The following HDAC8 variants were observed in gnomAD, a reference collection of about 807,000 sequenced individuals.
The protein encoded by HDAC8 is histone deacetylase-like 1.
A neutral mutation model predicts 32.2 loss-of-function variants in HDAC8; 1 was observed. That is an observed-to-expected ratio of 0.03 (90% CI 0.01 to 0.15). HDAC8 has a LOEUF of 0.15. Among genes scored for constraint, HDAC8 ranks in the 10% least tolerant of loss-of-function variants. The pLI is 1.00. For synonymous variants in HDAC8, 108 were observed against 113.9 expected, an observed-to-expected ratio of 0.95 and a Z score of 0.33; for missense variants, 117 against 300.0, an observed-to-expected ratio of 0.39 and a Z score of 4.51.
At chrX:72,365,511 T>C (rs1569244262) in intron 9 of HDAC8, among the ~76,000 whole-genome samples, 1 of 111,619 alleles carries the variant, frequency 9.0e-6, no homozygotes, top group East Asian at 2.8e-4. Flanking sequence ...GAGTAATGAA[T>C]AAGGCTTCAT....
chrX:72,569,046 G>A (rs2051910246), intron 2 of HDAC8, among the ~76,000 whole-genome samples, 162 bp from the exon 3 acceptor site: 1 of 112,042 alleles, frequency 8.9e-6, no homozygotes, highest in Non-Finnish European at 1.9e-5. Flanking sequence ...TGCACTGTGC[G>A]GTCTTCACTG....
intron 4 of HDAC8, among the ~76,000 whole-genome samples, chrX:72,504,456 T>C (rs1556017841): frequency 8.9e-6 from 1 of 111,888 alleles, no homozygotes; most frequent in Non-Finnish European, 1.9e-5. Flanking sequence ...CTTCTTTCAC[T>C]TAATATAATG....
rs1377858448 is a variant in HDAC8, at chrX:72,351,776, G to T, written c.1068C>A (p.Arg356=). The T allele has an allele frequency of 4.1e-6, 5 of 1,211,125 alleles. No individual in the cohort carries two copies. The highest frequency in any genetic ancestry group is 5.6e-6 in the Non-Finnish European group (5 of 894,771). The part of the protein sequence containing the change: ...LEITPSCRPD[R]NEPHRIQQIL... ...TTTGTTGGATTCGGTGGGGCTCATT[G>T]CGGTCTGGCCGGCAGCTTGGCGTGA... The change falls in exon 10 of 11, where the codon CGC becomes CGA. Residue 356 remains arginine (R), a synonymous_variant. Transcript: ENST00000373573.
intron 9 of HDAC8, among the ~76,000 whole-genome samples, chrX:72,424,692 C>T (rs2046586032): frequency 8.9e-6 from 1 of 111,742 alleles, no homozygotes; most frequent in South Asian, 3.7e-4. Flanking sequence ...AGAAATTCTA[C>T]ACCCATTAAT....
At chrX:72,352,996 T>A (rs2044225895) in intron 9 of HDAC8, among the ~76,000 whole-genome samples, 2 of 112,283 alleles carry the variant, frequency 1.8e-5, no homozygotes, top group Non-Finnish European at 3.8e-5. Context: ...GTGATATTGT[T>A]AGGTGGTAAG....
intron 9 of HDAC8, among the ~76,000 whole-genome samples, chrX:72,452,536 A>C (rs1257306254): frequency 9.0e-6 from 1 of 111,710 alleles, no homozygotes; most frequent in Non-Finnish European, 1.9e-5. Context: ...AATTGAAGAG[A>C]TCTCACTGAA....
rs999978053 is a variant in HDAC8, at chrX:72,571,230, G to T, written c.164+827C>A. On this transcript the variant is annotated intron_variant, in intron 2 of 10. Coordinates refer to ENST00000373573, the MANE Select transcript of HDAC8 (RefSeq NM_018486.3). ...TGAGCCACCACGCCCGGCCTTCTTT[G>T]GTCTTGATCTGTCTCCAGCCTCACC... Among the ~76,000 whole-genome samples the T allele has an allele frequency of 1.7e-3, 187 of 111,690 alleles. 4 individuals carry two copies. The highest frequency in any genetic ancestry group is 4.6e-3 in the Middle Eastern group (1 of 216).
intron 9 of HDAC8, among the ~76,000 whole-genome samples, chrX:72,372,964 G>A (rs782174959): frequency 8.9e-6 from 1 of 111,759 alleles, no homozygotes; most frequent in Non-Finnish European, 1.9e-5. Context: ...GAGCCTGCCA[G>A]TTCTAGGCCC....
chrX:72,520,149 T>C (rs781840930), intron 4 of HDAC8, among the ~76,000 whole-genome samples: 2 of 112,206 alleles, frequency 1.8e-5, no homozygotes, highest in South Asian at 3.7e-4. Flanking sequence ...ATGCTTTTGT[T>C]GTTATATGTA....
chrX:72,351,507 C>T lies in HDAC8; in HGVS notation c.1111+226G>A, dbSNP rs1464622587. 6.2e-5 allele frequency among the ~76,000 whole-genome samples: 7 copies of T among 112,425 alleles called. No individual in the cohort carries two copies. The East Asian group carries it at 1.1e-3, about 18-fold the overall frequency. ...CCCCTGGCAGTGCCAAAAGCTGAAC[C>T]CTTTGTCCTTCTGAGGTGACATTAG... On this transcript the variant is annotated intron_variant, in intron 10 of 10. Coordinates refer to ENST00000373573, the MANE Select transcript of HDAC8 (RefSeq NM_018486.3).
chrX:72,538,087 A>G (rs1259869918), intron 4 of HDAC8, among the ~76,000 whole-genome samples: 1 of 111,860 alleles, frequency 8.9e-6, no homozygotes, highest in Non-Finnish European at 1.9e-5. Flanking sequence ...GTTATATTAA[A>G]GACAAGTTGG....
intron 9 of HDAC8, among the ~76,000 whole-genome samples, chrX:72,359,057 G>GT (rs782782513): frequency 0.023 from 2,370 of 101,805 alleles, 48 homozygotes; most frequent in African/African-American, 0.068. Context: ...GCTGTATACT[G>GT]TTTTTTTTTT....
chrX:72,404,799 T>G (rs1181626309), intron 9 of HDAC8, among the ~76,000 whole-genome samples: 1 of 110,721 alleles, frequency 9.0e-6, no homozygotes, highest in Non-Finnish European at 1.9e-5. Flanking sequence ...GATTTCGTCT[T>G]TGTCTTTGTT....
At chrX:72,401,780 A>G (rs1555967432) in intron 9 of HDAC8, among the ~76,000 whole-genome samples, 1 of 112,330 alleles carries the variant, frequency 8.9e-6, no homozygotes, top group Admixed American at 9.4e-5. Context: ...CATATCACAT[A>G]TGATTTGCAA....
chrX:72,331,169 T>C (rs1213229491), intron 10 of HDAC8, among the ~76,000 whole-genome samples: 2 of 109,707 alleles, frequency 1.8e-5, no homozygotes, highest in African/African-American at 6.7e-5. Flanking sequence ...ATGGTCTCGA[T>C]CTCTTGATCT....
intron 4 of HDAC8, among the ~76,000 whole-genome samples, chrX:72,507,086 C>G (rs928599301): frequency 1.8e-5 from 2 of 111,209 alleles, no homozygotes; most frequent in Non-Finnish European, 3.8e-5. Flanking sequence ...CGAGCTCAAG[C>G]AATCCACCCA....
At chrX:72,483,840 G>A (rs1297703888) in intron 7 of HDAC8, among the ~76,000 whole-genome samples, 1 of 111,318 alleles carries the variant, frequency 9.0e-6, no homozygotes, top group Non-Finnish European at 1.9e-5. Context: ...TCTTTGTTGG[G>A]TATCAGTGGG....
chrX:72,552,570 C>T (rs2051114536), intron 4 of HDAC8, among the ~76,000 whole-genome samples: 1 of 108,231 alleles, frequency 9.2e-6, no homozygotes, highest in African/African-American at 3.4e-5. Context: ...GCTGAGATTG[C>T]ACCATTACAC....
intron 9 of HDAC8, among the ~76,000 whole-genome samples, chrX:72,372,233 A>G (rs781911511): frequency 9.0e-6 from 1 of 111,200 alleles, no homozygotes; most frequent in African/African-American, 3.3e-5. Flanking sequence ...CACTTCCTCC[A>G]GGAAGTGTTC....
Sources: allele counts gnomAD v4.1 joint callset (sites outside exome capture counted in the v4.1 genomes callset), GRCh38; gene constraint gnomAD v4.1.1; transcripts MANE v1.5; gene names NCBI Gene and HGNC (gene_info 2026-07-23, HGNC 2026-07-21).